CACYBP: variants seen among roughly 807,000 people sequenced by gnomAD.
CACYBP encodes the protein calcyclin-binding protein.
Under a neutral mutation model 29.6 loss-of-function variants are expected in CACYBP, and 11 were observed. That is an observed-to-expected ratio of 0.37 (90% confidence interval 0.23 to 0.61). The LOEUF (loss-of-function observed/expected upper bound fraction) is 0.61. Ranked by LOEUF, CACYBP falls within the 20% of genes least tolerant of loss-of-function variation. The pLI, the probability that CACYBP is intolerant of heterozygous loss-of-function variation, is 0.65. For missense variants in CACYBP, 163 were observed against 260.7 expected, an observed-to-expected ratio of 0.63 and a Z score of 2.58; for synonymous variants, 73 against 88.3, an observed-to-expected ratio of 0.83 and a Z score of 0.97.
At chr1:175,006,905 T>C (rs2149411440) in intron 3 of CACYBP, 64 bp downstream of exon 3, 3 of 973,190 alleles carry the variant, frequency 3.1e-6, no homozygotes, top group Admixed American at 3.9e-5. Flanking sequence ...ATCTTGAGAC[T>C]CTCTTCTTTG....
chr1:175,002,752 TAA>T (rs1285972518), intron 1 of CACYBP, among the ~76,000 whole-genome samples: 2 of 152,174 alleles, frequency 1.3e-5, no homozygotes, highest in East Asian at 3.8e-4. Context: ...TACTTCATAA[TAA>T]AAAGAGTACT....
intron 1 of CACYBP, among the ~76,000 whole-genome samples, chr1:175,000,832 A>T (rs1672459063): frequency 6.6e-6 from 1 of 152,220 alleles, no homozygotes; most frequent in Admixed American, 6.5e-5. Flanking sequence ...AATTAATAGT[A>T]AGAAAGCGAA....
intron 1 of CACYBP, among the ~76,000 whole-genome samples, 168 bp from the exon 2 acceptor site, chr1:175,004,444 TAC>T (rs1672565041): frequency 6.6e-6 from 1 of 152,234 alleles, no homozygotes; most frequent in South Asian, 2.1e-4. Context: ...TTGAGTTAAT[TAC>T]AGTTAATAAG....
chr1:175,000,493 C>G (rs1672446125), intron 1 of CACYBP: 1 of 1,317,538 alleles, frequency 7.6e-7, no homozygotes. Context: ...TGCGCGTGTT[C>G]CTCAGGCCCT....
At chr1:175,004,407 A>G (rs576932463) in intron 1 of CACYBP, among the ~76,000 whole-genome samples, 31 of 152,328 alleles carry the variant, frequency 2.0e-4, no homozygotes, top group African/African-American at 6.7e-4. Flanking sequence ...AGATTGTTCA[A>G]AGTTTTCCTT....
rs561187259 is a variant in CACYBP, at chr1:175,002,452, C to T, written c.16-2162C>T. Among the ~76,000 whole-genome samples, 11 of 152,156 alleles carry T rather than the reference C, an allele frequency of 7.2e-5. No individual in the cohort carries two copies. In the South Asian group the frequency reaches 1.9e-3, roughly 26 times the overall value. ...GAGAAATGTGTGTTGAATTCCTTTG[C>T]CCATTTTTGAGGCACATTGGTGTTA... On this transcript the variant is annotated intron_variant, in intron 1 of 5. Transcript: ENST00000367679.
At position 175,010,054 on chromosome 1, in the gene CACYBP, A is replaced by C. The variant is rs1672711506; in HGVS notation, c.662A>C (p.Gln221Pro). ...GCCTGGGTGGAATCAAGAGAGAAGCAAGCCAAAGGAGACACGGAATTTTGA... is the reference window on the plus strand; with the variant it reads ...GCCTGGGTGGAATCAAGAGAGAAGCCAGCCAAAGGAGACACGGAATTTTGA... ...NKAWVESREK[Q>P]AKGDTEF The change falls in exon 6 of 6, where the codon CAA (glutamine) becomes CCA (proline). Residue 221 changes from glutamine to proline, a missense_variant. Coordinates refer to ENST00000367679, the MANE Select transcript of CACYBP (RefSeq NM_014412.3). 1.2e-6 allele frequency: 2 copies of C among 1,613,562 alleles called. No individual in the cohort carries two copies. Among genetic ancestry groups the C allele is most frequent in the East Asian group, 2.2e-5 (1 of 44,858 alleles).
chr1:175,006,060 G>A (rs1240992817), intron 2 of CACYBP, among the ~76,000 whole-genome samples: 1 of 151,814 alleles, frequency 6.6e-6, no homozygotes, highest in Non-Finnish European at 1.5e-5. Flanking sequence ...TTGATAAACA[G>A]AAGATGCTTT....
At chr1:174,999,638 G>A, upstream of CACYBP, 1 of 226,970 alleles carries the variant, frequency 4.4e-6, no homozygotes, top group South Asian at 4.9e-5. Flanking sequence ...TCCTAGAGCG[G>A]ACGAAAGCAG....
rs749482584 is a variant in CACYBP, at chr1:175,007,173, C to T, written c.408C>T (p.Ile136=). 3 of 1,610,114 alleles carry T rather than the reference C, an allele frequency of 1.9e-6. No homozygotes were observed. The highest frequency in any genetic ancestry group is 2.5e-6 in the Non-Finnish European group (3 of 1,176,972). The change falls in exon 4 of 6, where the codon ATC becomes ATT. Residue 136 remains isoleucine (I), a synonymous_variant. Transcript: ENST00000367679. ...SMIVNNLLKP[I]SVEGSSKKVK... is the part of the protein sequence containing the mutation. ...TTGTGAACAATCTCTTGAAACCCAT[C>T]TCTGTGGAAGGCAGTTCAAAAAAAG... is the stretch of plus-strand genomic sequence containing the variant.
At chr1:175,003,467 A>G (rs76916792) in intron 1 of CACYBP, among the ~76,000 whole-genome samples, 2,412 of 152,338 alleles carry the variant, frequency 0.016, 58 homozygotes, top group African/African-American at 0.054. Flanking sequence ...AGGCAAAACT[A>G]GGGCATCTGA....
At position 175,000,152 on chromosome 1, in the gene CACYBP, G is replaced by A. The variant is rs771514371; in HGVS notation, c.-29G>A. 6 of 1,601,222 alleles carry A rather than the reference G, an allele frequency of 3.7e-6. No homozygotes were observed. In the South Asian group the frequency reaches 6.7e-5, roughly 18 times the overall value. On this transcript the variant is annotated 5_prime_UTR_variant, in exon 1 of 6. Transcript: ENST00000367679. ...CTGTTCCTCCTTCTGCGCGGCTGCA[G>A]CTCGGGACTTCGGCCTGACCCAGCC...
At chr1:175,000,545 C>A in intron 1 of CACYBP, 1 of 1,201,142 alleles carries the variant, frequency 8.3e-7, no homozygotes, top group Non-Finnish European at 1.0e-6. Flanking sequence ...AAGCTTCATT[C>A]AAGCAAAGCT....
intron 4 of CACYBP, among the ~76,000 whole-genome samples, chr1:175,008,059 C>T (rs1672659753): frequency 6.6e-6 from 1 of 152,144 alleles, no homozygotes; most frequent in Non-Finnish European, 1.5e-5. Flanking sequence ...ACCAAAAGAT[C>T]CCTAGTATTG....
chr1:175,011,082 T>G lies in CACYBP; in HGVS notation c.*1003T>G, dbSNP rs1480255824. ...TGATGCCACTGTACTGCAGCTTGGG[T>G]AACAGATTGAGAACCTGTCTCATTA... On this transcript the variant is annotated 3_prime_UTR_variant, in exon 6 of 6. Transcript: ENST00000367679. 2.3e-5 allele frequency: 3 copies of G among 129,206 alleles called. No homozygotes were observed. The highest frequency in any genetic ancestry group is 3.1e-5 in the Non-Finnish European group (2 of 64,124). 8.0% of individuals were successfully genotyped at this position (129,206 alleles called of 1,614,324 possible).
chr1:175,007,753 C>G, intron 4 of CACYBP, among the ~76,000 whole-genome samples: 1 of 152,050 alleles, frequency 6.6e-6, no homozygotes, highest in African/African-American at 2.4e-5. Flanking sequence ...GCATAATACT[C>G]GTATACATAA....
rs1041830823 is a variant in CACYBP at position 175,011,004 on chromosome 1, T to G, written c.*925T>G. ...GGCTGGCGCCCGTAATCCCAGCTAC[T>G]AAGGCTGGAGGATCACTTCAGCCCA... is the stretch of plus-strand genomic sequence containing the variant. On this transcript the variant is annotated 3_prime_UTR_variant, in exon 6 of 6. Transcript: ENST00000367679. 6.6e-6 allele frequency: 1 copy of G among 150,872 alleles called. No individual in the cohort carries two copies. Among genetic ancestry groups the G allele is most frequent in the African/African-American group, 2.4e-5 (1 of 40,898 alleles). The allele number at this position is 150,872 out of a possible 1,614,324, so 9.3% of individuals were successfully genotyped here. A position where few individuals can be genotyped will look rare whatever the true frequency, so the allele number is the denominator to read the frequency against.
intron 1 of CACYBP, among the ~76,000 whole-genome samples, chr1:175,000,946 T>C (rs975355023): frequency 1.3e-5 from 2 of 152,242 alleles, no homozygotes. Context: ...CTTGTATTGC[T>C]CATTTCCTGG....
rs1672583872 is a variant in CACYBP, at chr1:175,005,026, A to G, written c.235+193A>G. ...ATGCGTTCTAGAAGCTGTTAACAAGAGTAAGGTGATTCACTACAAAATGTA... is the reference window on the plus strand; with the variant it reads ...ATGCGTTCTAGAAGCTGTTAACAAGGGTAAGGTGATTCACTACAAAATGTA... On this transcript the variant is annotated intron_variant, in intron 2 of 5. Transcript: ENST00000367679. 2.8e-5 allele frequency: 17 copies of G among 611,896 alleles called. No individual in the cohort carries two copies. The East Asian group carries it at 4.9e-4, about 18-fold the overall frequency. The allele number at this position is 611,896 out of a possible 1,614,324, so 37.9% of individuals were successfully genotyped here. A position where few individuals can be genotyped will look rare whatever the true frequency, so the allele number is the denominator to read the frequency against.
Sources: allele counts gnomAD v4.1 joint callset (sites outside exome capture counted in the v4.1 genomes callset), GRCh38; gene constraint gnomAD v4.1.1; transcripts MANE v1.5; gene names NCBI Gene and HGNC (gene_info 2026-07-23, HGNC 2026-07-21).